Variants in ICAM2 observed in about 807,000 individuals in gnomAD.
ICAM2 encodes ICAM-2.
In ICAM2, 14 loss-of-function variants were observed where a neutral mutation model predicts 19.1. The ratio of observed to expected loss-of-function variants is 0.73; its 90% CI spans 0.48 to 1.15. The LOEUF is 1.15. Among genes scored for constraint, ICAM2 ranks in the 50% most tolerant of loss-of-function variants. ICAM2 has a pLI of 0.00. For missense variants in ICAM2, 311 were observed against 355.4 expected (o/e 0.88, Z 1.00); for synonymous variants, 153 against 152.7 (o/e 1.00, Z -0.01).
At chr17:64,016,361 A>G (rs573438096) in intron 1 of ICAM2, among the ~76,000 whole-genome samples, 3 of 152,288 alleles carry the variant, frequency 2.0e-5, no homozygotes, top group African/African-American at 7.2e-5. Flanking sequence ...AGCTGTCCCT[A>G]CAGTGGATGA....
chr17:64,019,883 T>G (rs1911878283), intron 1 of ICAM2, among the ~76,000 whole-genome samples: 1 of 151,356 alleles, frequency 6.6e-6, no homozygotes, highest in Non-Finnish European at 1.5e-5. Flanking sequence ...TCCATCCTTG[T>G]GCTGAGTGGC....
chr17:64,010,044 G>C (rs1181295071), intron 1 of ICAM2, among the ~76,000 whole-genome samples: 3 of 152,150 alleles, frequency 2.0e-5, no homozygotes, highest in African/African-American at 7.2e-5. Context: ...CAGTTTACCA[G>C]CCTCTTGCCC....
chr17:64,019,355 C>T (rs1028531902), intron 1 of ICAM2, among the ~76,000 whole-genome samples: 1 of 151,750 alleles, frequency 6.6e-6, no homozygotes, highest in Non-Finnish European at 1.5e-5. Context: ...TGTGAATAGC[C>T]ACTGCACTCC....
intron 1 of ICAM2, 187 bp downstream of exon 1, chr17:64,020,336 G>A (rs1173449261): frequency 3.3e-5 from 5 of 152,370 alleles, no homozygotes; most frequent in African/African-American, 1.2e-4. Context: ...GCAGGGCAGG[G>A]CAGGAGCTTC....
rs1037185900 is a variant in ICAM2 at position 64,012,280 on chromosome 17, T to C, written c.-44-5545A>G. ...GAGTTTGAAACCAGCCTGGACAACA[T>C]AGTGAGACCCTGTGTCTATTATTTT... On this transcript the variant is annotated intron_variant, in intron 1 of 4. Transcript: ENST00000579788. Among the ~76,000 whole-genome samples the C allele has an allele frequency of 8.5e-5, 13 of 152,220 alleles. 1 individual carries two copies. Among genetic ancestry groups the C allele is most frequent in the African/African-American group, 3.1e-4 (13 of 41,524 alleles).
chr17:64,003,440 A>G, intron 4 of ICAM2: 1 of 590,808 alleles, frequency 1.7e-6, no homozygotes, highest in East Asian at 2.8e-5. Flanking sequence ...GAACTAGTTG[A>G]CCTCTCCCGA....
At chr17:64,005,004 C>T (rs770713971) in intron 3 of ICAM2, 103 bp downstream of exon 3, 70 of 1,361,370 alleles carry the variant, frequency 5.1e-5, no homozygotes, top group South Asian at 1.6e-4. Flanking sequence ...CAGGGCCCCA[C>T]GATGACAGTG....
intron 1 of ICAM2, among the ~76,000 whole-genome samples, chr17:64,018,086 C>G (rs777483249): frequency 6.6e-6 from 1 of 152,052 alleles, no homozygotes; most frequent in Non-Finnish European, 1.5e-5. Context: ...GTGACGCCAG[C>G]ACTTTGGGAG....
In ICAM2 at chr17:64,005,180, A is replaced by G. The variant is rs767593881; in HGVS notation, c.255T>C (p.His85=). 1.2e-6 allele frequency: 2 copies of G among 1,614,154 alleles called. No homozygotes were observed. The highest frequency in any genetic ancestry group is 2.2e-5 in the East Asian group (1 of 44,884). Residue 85 remains histidine, a synonymous_variant, in exon 3 of 5, where the codon CAT becomes CAC. Coordinates refer to ENST00000579788, the MANE Select transcript of ICAM2 (RefSeq NM_001099789.2). Reference sequence around the variant, plus strand: ...TGAAGTGGCATTGGAGGACCGTGTCATGGGAGATGTTTGAGACCAAGTAAT... The same window carrying G: ...TGAAGTGGCATTGGAGGACCGTGTCGTGGGAGATGTTTGAGACCAAGTAAT... The part of the protein sequence containing the change: ...WKHYLVSNIS[H]DTVLQCHFTC...
At chr17:64,005,716 G>T (rs1436065682) in intron 2 of ICAM2, among the ~76,000 whole-genome samples, 1 of 152,110 alleles carries the variant, frequency 6.6e-6, no homozygotes, top group African/African-American at 2.4e-5. Context: ...AGTCTTTAAG[G>T]TCAGCCCAAA....
At chr17:64,018,695 G>A (rs562060680) in intron 1 of ICAM2, among the ~76,000 whole-genome samples, 2 of 135,362 alleles carry the variant, frequency 1.5e-5, no homozygotes, top group South Asian at 2.4e-4. Flanking sequence ...AACCAGACAT[G>A]TCTTTGTGTT....
intron 1 of ICAM2, among the ~76,000 whole-genome samples, chr17:64,008,957 TCTC>T (rs1911334341): frequency 6.6e-6 from 1 of 152,112 alleles, no homozygotes; most frequent in Non-Finnish European, 1.5e-5. Context: ...CTACCCCCCA[TCTC>T]CTCCTGTGAT....
chr17:64,014,878 C>A (rs984604890), intron 1 of ICAM2, among the ~76,000 whole-genome samples: 1 of 152,052 alleles, frequency 6.6e-6, no homozygotes, highest in African/African-American at 2.4e-5. Context: ...GGGTTTGAGA[C>A]CAGCCTGGGC....
intron 1 of ICAM2, among the ~76,000 whole-genome samples, chr17:64,019,259 A>C (rs1015491433): frequency 1.3e-5 from 2 of 152,162 alleles, no homozygotes; most frequent in African/African-American, 4.8e-5. Flanking sequence ...GCAGTTCAAG[A>C]CTGTAGTCCC....
intron 1 of ICAM2, among the ~76,000 whole-genome samples, chr17:64,009,387 T>A (rs1211054285): frequency 1.3e-5 from 2 of 151,986 alleles, no homozygotes; most frequent in Non-Finnish European, 2.9e-5. Flanking sequence ...CCTTATAATG[T>A]AAACAAGGCC....
intron 1 of ICAM2, among the ~76,000 whole-genome samples, chr17:64,014,932 CA>C (rs1567850008): frequency 1.3e-5 from 2 of 151,858 alleles, no homozygotes; most frequent in East Asian, 1.9e-4. Flanking sequence ...AAAAATATTA[CA>C]AAAAAACCCT....
intron 1 of ICAM2, among the ~76,000 whole-genome samples, chr17:64,013,342 A>C (rs1230060626): frequency 6.6e-6 from 1 of 151,926 alleles, no homozygotes; most frequent in Non-Finnish European, 1.5e-5. Context: ...AACAAATACA[A>C]ATACAAAAAT....
intron 1 of ICAM2, among the ~76,000 whole-genome samples, chr17:64,017,808 T>A (rs1911772708): frequency 6.6e-6 from 1 of 152,138 alleles, no homozygotes; most frequent in South Asian, 2.1e-4. Context: ...ACATAGAAGA[T>A]CACTGGGTAA....
At chr17:64,014,085 A>C (rs550392201) in intron 1 of ICAM2, among the ~76,000 whole-genome samples, 1 of 152,204 alleles carries the variant, frequency 6.6e-6, no homozygotes, top group Non-Finnish European at 1.5e-5. Context: ...TAAATTCCTA[A>C]AATTGAATGA....
Sources: allele counts gnomAD v4.1 joint callset (sites outside exome capture counted in the v4.1 genomes callset), GRCh38; gene constraint gnomAD v4.1.1; transcripts MANE v1.5; gene names NCBI Gene and HGNC (gene_info 2026-07-23, HGNC 2026-07-21).